PPFIA2: variants seen among roughly 807,000 people sequenced by gnomAD.
PPFIA2 encodes PPFI scaffold protein A2.
PPFIA2 carries 46 observed loss-of-function variants against 175.5 expected under a neutral mutation model. The ratio of observed to expected loss-of-function variants is 0.26; its 90% confidence interval spans 0.21 to 0.34. The LOEUF is 0.34. Ranked by LOEUF, PPFIA2 falls within the 10% of genes least tolerant of loss-of-function variation. The pLI is 1.00. For synonymous variants in PPFIA2, 568 were observed against 511.4 expected (o/e 1.11, Z -1.49); for missense variants, 1,179 against 1,506.1 (o/e 0.78, Z 3.60).
At chr12:81,562,846 C>CAA (rs11475809) in intron 4 of PPFIA2, among the ~76,000 whole-genome samples, 5,574 of 29,628 alleles carry the variant, frequency 0.19, 1,438 homozygotes, top group African/African-American at 0.29. Flanking sequence ...GACTCTGTCT[C>CAA]AAAAAAAAAA....
At chr12:81,466,452 T>C (rs993962051) in intron 4 of PPFIA2, among the ~76,000 whole-genome samples, 1 of 152,144 alleles carries the variant, frequency 6.6e-6, no homozygotes, top group African/African-American at 2.4e-5. Flanking sequence ...AAAAAGTGGA[T>C]GTTTGTGGAA....
chr12:81,697,707 T>C (rs1007813087), intron 3 of PPFIA2, among the ~76,000 whole-genome samples: 4 of 152,132 alleles, frequency 2.6e-5, no homozygotes, highest in African/African-American at 9.6e-5. Context: ...GTCTGTCTCC[T>C]TCACTATTTA....
At chr12:81,458,543 T>C (rs1012628331) in intron 4 of PPFIA2, among the ~76,000 whole-genome samples, 5 of 152,138 alleles carry the variant, frequency 3.3e-5, no homozygotes, top group African/African-American at 1.2e-4. Flanking sequence ...TTTTAGTTGA[T>C]AGAAATAGGT....
intron 7 of PPFIA2, among the ~76,000 whole-genome samples, chr12:81,423,227 C>CA (rs1290566028): frequency 1.3e-5 from 2 of 152,162 alleles, no homozygotes; most frequent in Non-Finnish European, 2.9e-5. Flanking sequence ...TAAGCTCTTC[C>CA]AAAAAATAGA....
In PPFIA2 at chr12:81,475,378, T is replaced by G. The variant is rs537687324; in HGVS notation, c.304-17512A>C. On this transcript the variant is annotated intron_variant, in intron 4 of 32. Coordinates refer to ENST00000549396, the MANE Select transcript of PPFIA2 (RefSeq NM_003625.5). The stretch of plus-strand genomic sequence containing the variant: ...TGATAAACCTATTGGTGAATGAATC[T>G]TAAAACATGGCATATATGTTTCATT... Among the ~76,000 whole-genome samples, 14 of 152,346 alleles carry G rather than the reference T, an allele frequency of 9.2e-5. No homozygotes were observed. The East Asian group carries it at 2.3e-3, about 25-fold the overall frequency.
At chr12:81,712,196 C>T (rs1197731099) in intron 3 of PPFIA2, among the ~76,000 whole-genome samples, 1 of 151,092 alleles carries the variant, frequency 6.6e-6, no homozygotes, top group Non-Finnish European at 1.5e-5. Flanking sequence ...AAAGAAAAAG[C>T]AAAATTTGAG....
chr12:81,410,739 T>C (rs1271790230), intron 7 of PPFIA2, among the ~76,000 whole-genome samples: 1 of 152,004 alleles, frequency 6.6e-6, no homozygotes, highest in Admixed American at 6.6e-5. Context: ...GGTGGGCACA[T>C]GACCCAAGCC....
chr12:81,413,122 T>C (rs1467784570), intron 7 of PPFIA2, among the ~76,000 whole-genome samples: 3 of 151,892 alleles, frequency 2.0e-5, no homozygotes, highest in Non-Finnish European at 2.9e-5. Flanking sequence ...GTTAGTTTTC[T>C]CACCAACCAT....
chr12:81,434,131 C>G (rs1566811968), intron 7 of PPFIA2, among the ~76,000 whole-genome samples: 1 of 151,802 alleles, frequency 6.6e-6, no homozygotes, highest in Non-Finnish European at 1.5e-5. Flanking sequence ...ATGACTCAGG[C>G]AGAGCAGTAG....
chr12:81,734,144 C>A (rs767100536), intron 3 of PPFIA2, among the ~76,000 whole-genome samples: 1 of 151,710 alleles, frequency 6.6e-6, no homozygotes, highest in Admixed American at 6.6e-5. Flanking sequence ...TCTGAGAATG[C>A]TGTGGTGAAA....
At chr12:81,602,429 A>T (rs2059892422) in intron 4 of PPFIA2, among the ~76,000 whole-genome samples, 1 of 148,088 alleles carries the variant, frequency 6.8e-6, no homozygotes, top group African/African-American at 2.6e-5. Context: ...AAGTAAGTAG[A>T]TGGAAAAGAA....
intron 7 of PPFIA2, among the ~76,000 whole-genome samples, chr12:81,407,444 C>T (rs1359583297): frequency 6.6e-6 from 1 of 151,358 alleles, no homozygotes; most frequent in Non-Finnish European, 1.5e-5. Flanking sequence ...GATTGCGCGA[C>T]TGCACTCCAG....
intron 3 of PPFIA2, among the ~76,000 whole-genome samples, chr12:81,739,574 A>G (rs2082080697): frequency 6.6e-6 from 1 of 152,120 alleles, no homozygotes; most frequent in East Asian, 1.9e-4. Flanking sequence ...TCAATTACCA[A>G]TTTTTTAAAA....
intron 7 of PPFIA2, chr12:81,431,486 G>A (rs1353999784): frequency 1.3e-5 from 2 of 152,088 alleles, no homozygotes; most frequent in South Asian, 2.1e-4. Context: ...TGCCTAAGTG[G>A]GGCCATTCAA....
chr12:81,262,100 G>A (rs2035783083), intron 31 of PPFIA2, 60 bp from the exon 32 acceptor site: 2 of 1,176,986 alleles, frequency 1.7e-6, no homozygotes, highest in African/African-American at 3.0e-5. Context: ...GATTTCAGAT[G>A]AGAAAGATTT....
chr12:81,304,962 G>T (rs1228286168), intron 22 of PPFIA2, among the ~76,000 whole-genome samples: 2 of 151,926 alleles, frequency 1.3e-5, no homozygotes, highest in Non-Finnish European at 2.9e-5. Flanking sequence ...CAAGTTAGAA[G>T]GTTGTTTCAA....
At chr12:81,416,896 C>A (rs2045376612) in intron 7 of PPFIA2, among the ~76,000 whole-genome samples, 1 of 151,690 alleles carries the variant, frequency 6.6e-6, no homozygotes, top group South Asian at 2.1e-4. Context: ...TGTACGTGAT[C>A]ATTTTATAAA....
Position 81,353,135 on chromosome 12 carries a change from T to A in PPFIA2, c.1978A>T (p.Ile660Phe). 1.2e-6 allele frequency: 2 copies of A among 1,613,786 alleles called. No homozygotes were observed. Among genetic ancestry groups the A allele is most frequent in the Non-Finnish European group, 1.7e-6 (2 of 1,179,752 alleles). ...TGAAGTTACCTGATTTCTTTGTTGA[T>A]GGCATCCAATTGTTCCTGAAGCATC... ...AMMLQEQLDA[I>F]NKEIRLIQEE... The change falls in exon 17 of 33, where the codon ATC becomes TTC. Residue 660 changes from isoleucine to phenylalanine, a missense_variant. Around this residue, in one of 10 missense-constraint regions of PPFIA2, gnomAD observed 11 missense variants for 31.9 expected, o/e 0.35. Transcript: ENST00000549396.
chr12:81,445,250 CAAT>C (rs2051043097), intron 6 of PPFIA2, among the ~76,000 whole-genome samples: 1 of 137,742 alleles, frequency 7.3e-6, no homozygotes, highest in South Asian at 2.3e-4. Flanking sequence ...GAGAGAGGCT[CAAT>C]AATAATATTA....
Sources: allele counts gnomAD v4.1 joint callset (sites outside exome capture counted in the v4.1 genomes callset), GRCh38; gene constraint gnomAD v4.1.1; regional missense constraint gnomAD v4.1.1; transcripts MANE v1.5; gene names NCBI Gene and HGNC (gene_info 2026-07-23, HGNC 2026-07-21).